Variants in USH2A observed in about 807,000 individuals in gnomAD.
USH2A encodes the protein Usher syndrome 2A (autosomal recessive, mild).
A neutral mutation model predicts 538.9 loss-of-function variants in USH2A; 443 were observed. The observed-to-expected ratio is 0.82, with a 90% CI of 0.76 to 0.89. USH2A has a LOEUF of 0.89. USH2A is among the 40% of genes least tolerant of loss of function. USH2A has a pLI of 0.00. For missense variants in USH2A, 6,633 were observed against 6,324.8 expected (o/e 1.05, Z -1.65); for synonymous variants, 2,413 against 2,273.5 (o/e 1.06, Z -1.75).
At chr1:215,912,023 A>G (rs913649583) in intron 38 of USH2A, among the ~76,000 whole-genome samples, 1 of 152,034 alleles carries the variant, frequency 6.6e-6, no homozygotes, top group Non-Finnish European at 1.5e-5. Flanking sequence ...AGAAATGTCT[A>G]TTCAAATATT....
rs1237098029 is a variant in USH2A at position 215,624,629 on chromosome 1, A to G, written c.*1152T>C. The G allele has an allele frequency of 3.3e-5, 5 of 152,272 alleles. No homozygotes were observed. Among genetic ancestry groups the G allele is most frequent in the East Asian group, 1.9e-4 (1 of 5,190 alleles). The allele number at this position is 152,272 out of a possible 1,614,324, so 9.4% of individuals were successfully genotyped here. On this transcript the variant is annotated 3_prime_UTR_variant, in exon 72 of 72. Transcript: ENST00000307340. ...TCTTGCCATAGGACTTTCACCAATG[A>G]CTTTGTAATCCAACTAGAGCAGGTG...
chr1:215,801,462 T>C (rs1022613007), intron 49 of USH2A, among the ~76,000 whole-genome samples: 3 of 148,564 alleles, frequency 2.0e-5, no homozygotes, highest in Non-Finnish European at 4.5e-5. Context: ...AAAGTCAGCA[T>C]AGAAAAACTA....
chr1:216,401,613 A>G lies in USH2A; in HGVS notation c.651+16901T>C, dbSNP rs568752497. ...TTGAAATTAGTAATCAGAAAAATAT[A>G]TCTGCAAACATTAATCAAAAGAAAA... On this transcript the variant is annotated intron_variant, in intron 3 of 71. Coordinates refer to ENST00000307340, the MANE Select transcript of USH2A (RefSeq NM_206933.4). Among the ~76,000 whole-genome samples the G allele has an allele frequency of 2.6e-5, 4 of 152,228 alleles. No individual in the cohort carries two copies. In the South Asian group the frequency reaches 8.3e-4, roughly 32 times the overall value.
chr1:215,759,287 A>G (rs554127898), intron 57 of USH2A, among the ~76,000 whole-genome samples: 1 of 152,194 alleles, frequency 6.6e-6, no homozygotes, highest in Non-Finnish European at 1.5e-5. Context: ...TAGCAAGTAG[A>G]GAAACACTGT....
intron 49 of USH2A, among the ~76,000 whole-genome samples, chr1:215,807,642 C>T (rs1019055760): frequency 6.6e-6 from 1 of 151,490 alleles, no homozygotes; most frequent in Admixed American, 6.6e-5. Flanking sequence ...TGGCTAGTTG[C>T]TAAAAGTCAA....
At chr1:215,737,822 A>G (rs1442030634) in intron 60 of USH2A, among the ~76,000 whole-genome samples, 2 of 152,082 alleles carry the variant, frequency 1.3e-5, no homozygotes, top group Non-Finnish European at 2.9e-5. Flanking sequence ...TATCCATTTT[A>G]TAAAATGTTT....
intron 11 of USH2A, among the ~76,000 whole-genome samples, chr1:216,280,317 AATT>A (rs1028336895): frequency 9.9e-5 from 15 of 152,200 alleles, no homozygotes; most frequent in African/African-American, 3.6e-4. Context: ...ATGGTGAAAT[AATT>A]ATCATCTTTT....
intron 8 of USH2A, 35 bp from the exon 9 acceptor site, chr1:216,322,011 A>C: frequency 6.3e-7 from 1 of 1,590,630 alleles, no homozygotes; most frequent in Non-Finnish European, 8.6e-7. Flanking sequence ...CCTAAGGAAC[A>C]CCAACTCAAC....
chr1:216,133,417 A>G (rs2033417239), intron 21 of USH2A, among the ~76,000 whole-genome samples: 1 of 152,060 alleles, frequency 6.6e-6, no homozygotes, highest in African/African-American at 2.4e-5. Context: ...GTGTGCTTAC[A>G]TAAAAAAGAC....
At chr1:215,704,651 C>T (rs1455839923) in intron 61 of USH2A, among the ~76,000 whole-genome samples, 1 of 152,156 alleles carries the variant, frequency 6.6e-6, no homozygotes, top group Non-Finnish European at 1.5e-5. Flanking sequence ...ACACCCTGTC[C>T]CTAGACTCAT....
intron 41 of USH2A, among the ~76,000 whole-genome samples, chr1:215,882,647 A>G (rs1224316786): frequency 3.3e-5 from 5 of 152,148 alleles, no homozygotes; most frequent in African/African-American, 4.8e-5. Flanking sequence ...AAGCAAAGCA[A>G]ATATACTCCT....
At chr1:216,066,876 A>G (rs142927416) in intron 30 of USH2A, among the ~76,000 whole-genome samples, 18 of 152,342 alleles carry the variant, frequency 1.2e-4, no homozygotes, top group Non-Finnish European at 7.3e-5. Flanking sequence ...GGGAAGGTAT[A>G]TAGCAGAGAT....
chr1:216,299,849 C>T (rs958409528), intron 9 of USH2A, among the ~76,000 whole-genome samples: 3 of 152,142 alleles, frequency 2.0e-5, no homozygotes, highest in Admixed American at 6.5e-5. Context: ...GATTAATATA[C>T]AGAAGCAAAG....
At chr1:215,811,126 G>A (rs1662659978) in intron 49 of USH2A, among the ~76,000 whole-genome samples, 1 of 152,196 alleles carries the variant, frequency 6.6e-6, no homozygotes, top group Admixed American at 6.6e-5. Flanking sequence ...TAGCCTACAA[G>A]CTACCCTGTC....
At chr1:215,961,073 G>GGTAAGATGT (rs1667187912) in intron 37 of USH2A, among the ~76,000 whole-genome samples, 1 of 151,948 alleles carries the variant, frequency 6.6e-6, no homozygotes, top group Non-Finnish European at 1.5e-5. Context: ...TAAGATGCCT[G>GGTAAGATGT]CATTTTAGAG....
chr1:216,017,684 A>G (rs1055963315), intron 32 of USH2A, among the ~76,000 whole-genome samples: 2 of 152,160 alleles, frequency 1.3e-5, no homozygotes, highest in African/African-American at 4.8e-5. Flanking sequence ...TCCCTTTCAA[A>G]TATCGTAGTG....
At chr1:215,795,501 G>A (rs531742169) in intron 50 of USH2A, among the ~76,000 whole-genome samples, 11 of 152,098 alleles carry the variant, frequency 7.2e-5, no homozygotes, top group Non-Finnish European at 1.5e-4. Context: ...TCTTGAATAT[G>A]GTTACTACAT....
At chr1:216,409,716 A>G (rs975890768) in intron 3 of USH2A, among the ~76,000 whole-genome samples, 10 of 152,272 alleles carry the variant, frequency 6.6e-5, no homozygotes, top group Admixed American at 3.9e-4. Flanking sequence ...TATACCATAT[A>G]TAAAAATCAA....
chr1:216,172,314 C>T (rs2034289522), intron 21 of USH2A, among the ~76,000 whole-genome samples: 1 of 151,932 alleles, frequency 6.6e-6, no homozygotes, highest in African/African-American at 2.4e-5. Context: ...TACAATCTAA[C>T]TTATCTTTTC....
Sources: gnomAD v4.1 joint callset for allele counts (sites outside exome capture counted in the v4.1 genomes callset) on GRCh38, gnomAD v4.1.1 for gene constraint, MANE v1.5 for transcripts, NCBI Gene and HGNC (gene_info 2026-07-23, HGNC 2026-07-21) for gene names.